The following TSPEAR variants were observed in gnomAD, a reference collection of about 807,000 sequenced individuals.
TSPEAR encodes thrombospondin type laminin G domain and EAR repeats, also known as thrombospondin-type laminin G domain and EAR repeat-containing protein.
Under a neutral mutation model 71.6 loss-of-function variants are expected in TSPEAR, and 69 were observed. The observed-to-expected ratio is 0.96, with a 90% CI of 0.79 to 1.18. The LOEUF is 1.18. TSPEAR is among the 50% of genes most tolerant of loss of function. The pLI is 0.00. For synonymous variants in TSPEAR, 402 were observed against 387.2 expected (o/e 1.04, Z -0.45); for missense variants, 971 against 894.9 (o/e 1.09, Z -1.09).
intron 3 of TSPEAR, 99 bp downstream of exon 3, chr21:44,533,586 C>T: frequency 9.8e-7 from 1 of 1,024,308 alleles, no homozygotes; most frequent in South Asian, 1.5e-5. Flanking sequence ...TGCCCCAGGA[C>T]AGCTCCTGCA....
Position 44,533,923 on chromosome 21 carries a change from T to A in TSPEAR, c.304A>T (p.Arg102Trp). The change falls in exon 3 of 12, where the codon AGG becomes TGG. Residue 102 changes from arginine (R) to tryptophan (W), a missense_variant and splice_region_variant. By Grantham distance (101) the Arg-to-Trp change is moderately radical. Transcript: ENST00000323084. ...ACCACCGTCAGCAGGTACTCGTTCCTCTGTGGAGAGCGGGCCAGGCTCAGG... is the reference window on the plus strand; with the variant it reads ...ACCACCGTCAGCAGGTACTCGTTCCACTGTGGAGAGCGGGCCAGGCTCAGG... Reference protein sequence around the residue: ...TLRVPNLPPKRNEYLLTVVAE... With the variant: ...TLRVPNLPPKWNEYLLTVVAE... 6.2e-7 allele frequency: 1 copy of A among 1,609,290 alleles called. No homozygotes were observed. Among genetic ancestry groups the A allele is most frequent in the Non-Finnish European group, 8.5e-7 (1 of 1,178,272 alleles).
At chr21:44,550,347 C>T (rs1208221767) in intron 2 of TSPEAR, 8 of 432,640 alleles carry the variant, frequency 1.8e-5, no homozygotes, top group Admixed American at 3.6e-5. Context: ...AGAGTCAGCA[C>T]GGAGTCAGCT....
intron 8 of TSPEAR, among the ~76,000 whole-genome samples, chr21:44,523,944 TAGTC>T (rs1450928203): frequency 1.5e-4 from 22 of 151,546 alleles, no homozygotes; most frequent in Admixed American, 4.6e-4. Context: ...GCCAGTGAGG[TAGTC>T]AGTCAGTCAG....
intron 1 of TSPEAR, among the ~76,000 whole-genome samples, chr21:44,692,259 G>A (rs537632476): frequency 1.3e-5 from 2 of 152,316 alleles, no homozygotes; most frequent in East Asian, 3.9e-4. Context: ...ATACTTGACA[G>A]TGAAAGACTG....
At chr21:44,591,726 C>G (rs1555926618) in intron 1 of TSPEAR, 1 of 1,596,306 alleles carries the variant, frequency 6.3e-7, no homozygotes, top group Non-Finnish European at 8.6e-7. Context: ...GGCAGCTAGA[C>G]TGCTGGCAGC....
intron 1 of TSPEAR, among the ~76,000 whole-genome samples, chr21:44,661,177 G>A (rs371388531): frequency 6.6e-6 from 1 of 151,488 alleles, no homozygotes; most frequent in African/African-American, 2.4e-5. Flanking sequence ...GGGAGGCTGC[G>A]GCAGGAGAAT....
chr21:44,530,331 C>CCCAT (rs2052941852), intron 4 of TSPEAR, among the ~76,000 whole-genome samples: 1 of 151,904 alleles, frequency 6.6e-6, no homozygotes, highest in South Asian at 2.1e-4. Context: ...CCTCCACCTA[C>CCCAT]CCATCCATTC....
intron 2 of TSPEAR, among the ~76,000 whole-genome samples, chr21:44,564,674 A>G (rs925387899): frequency 6.6e-6 from 1 of 152,192 alleles, no homozygotes. Context: ...TAGACAAGTC[A>G]ACAATATTAA....
chr21:44,700,211 G>A (rs1254940638), intron 1 of TSPEAR, among the ~76,000 whole-genome samples: 1 of 152,240 alleles, frequency 6.6e-6, no homozygotes, highest in Non-Finnish European at 1.5e-5. Context: ...GGTGACTTCA[G>A]GCGACACTCT....
intron 1 of TSPEAR, among the ~76,000 whole-genome samples, chr21:44,691,103 T>C (rs1196304192): frequency 6.7e-6 from 1 of 148,488 alleles, no homozygotes; most frequent in South Asian, 2.2e-4. Flanking sequence ...CCTTCTCTCC[T>C]CTCTCCACAC....
chr21:44,563,132 T>A (rs2053660269), intron 2 of TSPEAR, among the ~76,000 whole-genome samples: 1 of 152,114 alleles, frequency 6.6e-6, no homozygotes, highest in South Asian at 2.1e-4. Context: ...CAAAGGAAGT[T>A]ACTGAAGATA....
At chr21:44,690,678 A>G in intron 1 of TSPEAR, 1 of 764,920 alleles carries the variant, frequency 1.3e-6, no homozygotes. Context: ...GCAAATTATT[A>G]ACCATAAAAC....
chr21:44,508,056 AG>A (rs1314998526), intron 10 of TSPEAR: 1 of 152,246 alleles, frequency 6.6e-6, no homozygotes, highest in African/African-American at 2.4e-5. Context: ...CAGAAGTAAC[AG>A]GGCAAATAGG....
intron 1 of TSPEAR, among the ~76,000 whole-genome samples, chr21:44,596,986 A>G (rs438444): frequency 0.21 from 31,567 of 152,028 alleles, 6,474 homozygotes; most frequent in African/African-American, 0.53. Flanking sequence ...AAATTTTTAC[A>G]TAATTAGTTT....
At position 44,607,484 on chromosome 21, in the gene TSPEAR, T is replaced by C. The variant is rs139798411; in HGVS notation, c.83-39479A>G. 4.2e-3 allele frequency among the ~76,000 whole-genome samples: 634 copies of C among 152,252 alleles called. 4 individuals carry two copies. Among genetic ancestry groups the C allele is most frequent in the African/African-American group, 0.014 (601 of 41,532 alleles). On this transcript the variant is annotated intron_variant, in intron 1 of 11. Coordinates refer to ENST00000323084, the MANE Select transcript of TSPEAR (RefSeq NM_144991.3). ...AGTTTAAAAATTAGTAAATGAACAA[T>C]GAATGAAATAAAAATAATGAAGCTC...
intron 2 of TSPEAR, among the ~76,000 whole-genome samples, chr21:44,554,646 A>G (rs439043): frequency 0.22 from 34,196 of 152,120 alleles, 4,070 homozygotes; most frequent in East Asian, 0.37. Context: ...TGCTAGTGTG[A>G]GAGGCCGCTA....
chr21:44,515,862 T>C (rs1316147298), intron 9 of TSPEAR: 1 of 152,212 alleles, frequency 6.6e-6, no homozygotes, highest in Non-Finnish European at 1.5e-5. Flanking sequence ...AGGTAGTCCA[T>C]CAAAGGGATG....
At chr21:44,582,588 T>C (rs1014942625) in intron 1 of TSPEAR, among the ~76,000 whole-genome samples, 1 of 152,174 alleles carries the variant, frequency 6.6e-6, no homozygotes, top group Admixed American at 6.5e-5. Flanking sequence ...GTCGCTCCCT[T>C]CTCCTGGTGT....
At chr21:44,658,573 T>C (rs1985310276) in intron 1 of TSPEAR, among the ~76,000 whole-genome samples, 1 of 152,178 alleles carries the variant, frequency 6.6e-6, no homozygotes, top group Non-Finnish European at 1.5e-5. Flanking sequence ...ATTTCGTAAG[T>C]TCTTTCCTTG....
Sources: gnomAD v4.1 joint callset for allele counts (sites outside exome capture counted in the v4.1 genomes callset) on GRCh38, gnomAD v4.1.1 for gene constraint, MANE v1.5 for transcripts, NCBI Gene and HGNC (gene_info 2026-07-23, HGNC 2026-07-21) for gene names.